Variants in NLRP5 observed in about 807,000 individuals in gnomAD.
NLRP5 encodes the protein NACHT, LRR and PYD domains-containing protein 5.
Under a neutral mutation model 113.1 loss-of-function variants are expected in NLRP5, and 93 were observed. That is an observed-to-expected ratio of 0.82 (90% confidence interval 0.70 to 0.98). The LOEUF is 0.98. NLRP5 is among the 50% of genes least tolerant of loss of function. NLRP5 has a pLI of 0.00. For missense variants in NLRP5, 1,808 were observed against 1,514.3 expected (o/e 1.19, Z -3.22); for synonymous variants, 751 against 600.7 (o/e 1.25, Z -3.66).
intron 2 of NLRP5, among the ~76,000 whole-genome samples, chr19:56,008,557 G>A (rs961088437): frequency 6.6e-6 from 1 of 152,128 alleles, no homozygotes. Context: ...AGGCCATCCA[G>A]CAAAACGGCC....
At chr19:56,048,040 C>A (rs1191651463) in intron 11 of NLRP5, among the ~76,000 whole-genome samples, 6 of 152,274 alleles carry the variant, frequency 3.9e-5, no homozygotes, top group Non-Finnish European at 2.9e-5. Flanking sequence ...AGAATAGTTA[C>A]CCCTGCTCGC....
intron 11 of NLRP5, among the ~76,000 whole-genome samples, 172 bp downstream of exon 11, chr19:56,041,264 CTG>C (rs934999989): frequency 2.6e-5 from 4 of 152,084 alleles, no homozygotes; most frequent in African/African-American, 9.7e-5. Flanking sequence ...TTGGAAAATT[CTG>C]TGTCTGCCTT....
intron 7 of NLRP5, among the ~76,000 whole-genome samples, chr19:56,028,829 A>G (rs1364178646): frequency 2.0e-5 from 3 of 152,054 alleles, no homozygotes; most frequent in African/African-American, 7.2e-5. Context: ...TAGTGGCACG[A>G]TCTCGGCTCA....
In NLRP5 at chr19:56,057,130, A is replaced by G. The variant is rs10412548; in HGVS notation, c.3300-1110A>G. Among the ~76,000 whole-genome samples, 954 of 152,300 alleles carry G rather than the reference A, an allele frequency of 6.3e-3. 11 individuals are homozygous for G. Among genetic ancestry groups the G allele is most frequent in the African/African-American group, 0.022 (919 of 41,564 alleles). On this transcript the variant is annotated intron_variant, in intron 13 of 14. Transcript: ENST00000390649. ...CAGCCTCAGCGATAGAGCAAGACTC[A>G]GTCTGTGCATTTTGGATTTTTTCTT...
intron 13 of NLRP5, among the ~76,000 whole-genome samples, chr19:56,056,219 A>T (rs1176746760): frequency 6.6e-6 from 1 of 152,142 alleles, no homozygotes; most frequent in Non-Finnish European, 1.5e-5. Flanking sequence ...TTCTATCAAG[A>T]AGCCAACTAT....
At chr19:56,040,105 C>T (rs185826355) in intron 10 of NLRP5, among the ~76,000 whole-genome samples, 1 of 152,202 alleles carries the variant, frequency 6.6e-6, no homozygotes, top group African/African-American at 2.4e-5. Context: ...CATGTACCAC[C>T]ATGCCCGGCT....
At chr19:56,004,229 A>G (rs1054093438) in intron 2 of NLRP5, 134 bp downstream of exon 2, 15 of 938,398 alleles carry the variant, frequency 1.6e-5, no homozygotes, top group African/African-American at 6.6e-5. Flanking sequence ...GAAGGATCCT[A>G]TTGGTCATCG....
chr19:55,990,802 G>C, the NLRP5 span, among the ~76,000 whole-genome samples: 3 of 152,260 alleles, frequency 2.0e-5, no homozygotes, highest in East Asian at 3.9e-4. Context: ...TCCAGCCTGG[G>C]CGACGGAGCA....
At chr19:56,008,899 A>C in intron 3 of NLRP5, 46 bp downstream of exon 3, 1 of 1,541,936 alleles carries the variant, frequency 6.5e-7, no homozygotes, top group Non-Finnish European at 8.9e-7. Flanking sequence ...TTAAAGACAC[A>C]TGGCAGCCAG....
chr19:56,046,482 T>C (rs964995079), intron 11 of NLRP5, among the ~76,000 whole-genome samples: 2 of 150,846 alleles, frequency 1.3e-5, no homozygotes, highest in African/African-American at 4.8e-5. Flanking sequence ...ATAGAATGAA[T>C]TAGGGAGGGT....
the NLRP5 span, among the ~76,000 whole-genome samples, chr19:55,993,806 G>C: frequency 6.6e-6 from 1 of 151,108 alleles, no homozygotes; most frequent in African/African-American, 2.4e-5. Context: ...AGGCTCATCT[G>C]TGTTGTCACA....
At chr19:56,002,447 GC>G (rs1188579176) in intron 1 of NLRP5, among the ~76,000 whole-genome samples, 1 of 151,452 alleles carries the variant, frequency 6.6e-6, no homozygotes, top group Non-Finnish European at 1.5e-5. Context: ...GAATCTATTT[GC>G]CAGAGGTTTT....
upstream of NLRP5, among the ~76,000 whole-genome samples, chr19:55,997,054 T>A (rs1011938627): frequency 6.6e-6 from 1 of 152,198 alleles, no homozygotes; most frequent in Non-Finnish European, 1.5e-5. Context: ...GGTATCTCAT[T>A]GTGGTTTTGA....
At chr19:56,030,872 C>T (rs1983081341) in intron 7 of NLRP5, among the ~76,000 whole-genome samples, 1 of 151,818 alleles carries the variant, frequency 6.6e-6, no homozygotes, top group African/African-American at 2.4e-5. Flanking sequence ...CACCACCACA[C>T]CCGGCTAACT....
chr19:56,031,331 A>T (rs565325591), intron 7 of NLRP5, among the ~76,000 whole-genome samples: 109 of 152,188 alleles, frequency 7.2e-4, no homozygotes, highest in Non-Finnish European at 1.4e-3. Flanking sequence ...AGACATTTCA[A>T]AGTAGAATCA....
At chr19:56,004,642 C>T (rs73934613) in intron 2 of NLRP5, among the ~76,000 whole-genome samples, 3,041 of 152,026 alleles carry the variant, frequency 0.02, 95 homozygotes, top group African/African-American at 0.069. Context: ...TATTGGTGTC[C>T]GTAGTGCAGC....
the NLRP5 span, among the ~76,000 whole-genome samples, chr19:55,992,832 A>G: frequency 7.1e-6 from 1 of 141,774 alleles, no homozygotes; most frequent in South Asian, 2.2e-4. Flanking sequence ...TAGTTGACAC[A>G]TAACTGTACA....
intron 7 of NLRP5, among the ~76,000 whole-genome samples, chr19:56,028,922 GC>G (rs1982985519): frequency 6.6e-6 from 1 of 152,078 alleles, no homozygotes; most frequent in African/African-American, 2.4e-5. Context: ...GCACCACCAT[GC>G]CCAGCTAGTT....
In NLRP5 at chr19:56,000,149, C is replaced by T. The variant is rs59599447; in HGVS notation, c.62+362C>T. Among the ~76,000 whole-genome samples, 155 of 126,526 alleles carry T rather than the reference C, an allele frequency of 1.2e-3. 2 individuals are homozygous for T. The highest frequency in any genetic ancestry group is 4.1e-3 in the African/African-American group (142 of 34,364). 83.0% of individuals were successfully genotyped at this position (126,526 alleles called of 152,430 possible). A position where few individuals can be genotyped will look rare whatever the true frequency, so the allele number is the denominator to read the frequency against. On this transcript the variant is annotated intron_variant, in intron 1 of 14. Coordinates refer to ENST00000390649, the MANE Select transcript of NLRP5 (RefSeq NM_153447.4). ...CAGGGACGGCCACCTCTCCACTCTT[C>T]TCAATGACAGTTGCCCAGGCATGGC...
Sources: allele counts gnomAD v4.1 joint callset (sites outside exome capture counted in the v4.1 genomes callset), GRCh38; gene constraint gnomAD v4.1.1; transcripts MANE v1.5; gene names NCBI Gene and HGNC (gene_info 2026-07-23, HGNC 2026-07-21).